USH2A: variants seen among roughly 807,000 people sequenced by gnomAD.
The protein encoded by USH2A is Usher syndrome 2A (autosomal recessive, mild).
In USH2A, 443 loss-of-function variants were observed where a neutral mutation model predicts 538.9. The observed-to-expected ratio is 0.82, with a 90% confidence interval of 0.76 to 0.89. The LOEUF (loss-of-function observed/expected upper bound fraction) is 0.89. Among genes scored for constraint, USH2A ranks in the 40% least tolerant of loss-of-function variants. USH2A has a pLI of 0.00. For synonymous variants in USH2A, 2,413 were observed against 2,273.5 expected (o/e 1.06, Z -1.75); for missense variants, 6,633 against 6,324.8 (o/e 1.05, Z -1.65).
chr1:215,890,944 A>C (rs1215096319), intron 40 of USH2A, among the ~76,000 whole-genome samples: 1 of 152,192 alleles, frequency 6.6e-6, no homozygotes, highest in Non-Finnish European at 1.5e-5. Context: ...TACACTTAAA[A>C]ATCAGAATAT....
intron 30 of USH2A, among the ~76,000 whole-genome samples, chr1:216,051,570 T>C (rs2030785953): frequency 6.6e-6 from 1 of 152,182 alleles, no homozygotes; most frequent in African/African-American, 2.4e-5. Flanking sequence ...CCCCAGAGAA[T>C]AAGACTTTTA....
intron 32 of USH2A, among the ~76,000 whole-genome samples, chr1:216,012,284 C>T (rs948188815): frequency 7.9e-5 from 12 of 152,180 alleles, no homozygotes; most frequent in African/African-American, 2.2e-4. Context: ...GAAATAACTT[C>T]TCAGTGTTCC....
At chr1:216,253,151 CTTTTTTT>C (rs55786784) in intron 11 of USH2A, among the ~76,000 whole-genome samples, 1 of 138,940 alleles carries the variant, frequency 7.2e-6, no homozygotes, top group Non-Finnish European at 1.6e-5. Flanking sequence ...GTTATTTTTT[CTTTTTTT>C]TTTTTTTGAG....
intron 9 of USH2A, among the ~76,000 whole-genome samples, chr1:216,300,398 T>C (rs1436295214): frequency 6.6e-6 from 1 of 152,176 alleles, no homozygotes; most frequent in Non-Finnish European, 1.5e-5. Context: ...GATTAGACAA[T>C]GGCTATATCA....
chr1:216,279,648 AAGTT>A (rs2036735040), intron 11 of USH2A, among the ~76,000 whole-genome samples: 1 of 152,110 alleles, frequency 6.6e-6, no homozygotes, highest in South Asian at 2.1e-4. Flanking sequence ...TGTGCATTAA[AAGTT>A]TGAGGACTAC....
intron 38 of USH2A, among the ~76,000 whole-genome samples, chr1:215,905,124 C>T (rs1051460765): frequency 2.6e-5 from 4 of 152,030 alleles, no homozygotes; most frequent in African/African-American, 4.8e-5. Context: ...ATTTATAAAA[C>T]TCTGGGAGTG....
intron 38 of USH2A, among the ~76,000 whole-genome samples, chr1:215,919,559 G>A (rs1666045672): frequency 6.6e-6 from 1 of 152,022 alleles, no homozygotes; most frequent in Non-Finnish European, 1.5e-5. Context: ...GTAGTGTGTA[G>A]TATTTGTGTA....
intron 44 of USH2A, among the ~76,000 whole-genome samples, chr1:215,855,959 G>A (rs1448605043): frequency 6.6e-6 from 1 of 152,166 alleles, no homozygotes; most frequent in African/African-American, 2.4e-5. Context: ...TCAACAAATG[G>A]TGCTGGCATA....
rs767540847 is a variant in USH2A at position 215,789,293 on chromosome 1, T to C, written c.10182+766A>G. Among the ~76,000 whole-genome samples the C allele has an allele frequency of 9.5e-4, 144 of 152,198 alleles. 1 individual carries two copies. The highest frequency in any genetic ancestry group is 3.3e-3 in the Admixed American group (50 of 15,278). Reference sequence around the variant, plus strand: ...TTTACATCCCAAAGTGTACAAAGTGTATGTGGTCTACACAAGGACTGTGTA... The same window carrying C: ...TTTACATCCCAAAGTGTACAAAGTGCATGTGGTCTACACAAGGACTGTGTA... On this transcript the variant is annotated intron_variant, in intron 51 of 71. Coordinates refer to ENST00000307340, the MANE Select transcript of USH2A (RefSeq NM_206933.4).
intron 21 of USH2A, among the ~76,000 whole-genome samples, chr1:216,132,317 C>T (rs759343663): frequency 4.6e-5 from 7 of 151,980 alleles, no homozygotes; most frequent in East Asian, 1.9e-4. Context: ...TTTTTTCATA[C>T]TGAACACTCA....
At chr1:216,393,759 C>T (rs2039153178) in intron 3 of USH2A, among the ~76,000 whole-genome samples, 2 of 152,102 alleles carry the variant, frequency 1.3e-5, no homozygotes, top group South Asian at 4.1e-4. Flanking sequence ...CATGAGGATG[C>T]TGAAAAGTGA....
chr1:215,681,356 C>CAT (rs1161376979), intron 61 of USH2A, among the ~76,000 whole-genome samples: 1 of 151,858 alleles, frequency 6.6e-6, no homozygotes, highest in Non-Finnish European at 1.5e-5. Flanking sequence ...CACACACACA[C>CAT]ACTGGCATTT....
chr1:215,662,541 C>A (rs1333704187), intron 64 of USH2A, among the ~76,000 whole-genome samples: 1 of 152,198 alleles, frequency 6.6e-6, no homozygotes, highest in Non-Finnish European at 1.5e-5. Flanking sequence ...TGTGCTCACA[C>A]TGACAGGTGG....
At chr1:216,172,376 T>C (rs1286946228) in intron 21 of USH2A, among the ~76,000 whole-genome samples, 1 of 152,086 alleles carries the variant, frequency 6.6e-6, no homozygotes, top group Non-Finnish European at 1.5e-5. Context: ...TGTATTTGAG[T>C]ACTAATTGAT....
intron 32 of USH2A, among the ~76,000 whole-genome samples, chr1:216,012,459 T>C (rs1668597614): frequency 6.6e-6 from 1 of 152,088 alleles, no homozygotes; most frequent in Non-Finnish European, 1.5e-5. Context: ...ACTGGATAAG[T>C]ACAGGCCTTT....
At chr1:215,907,686 T>C (rs1665675536) in intron 38 of USH2A, among the ~76,000 whole-genome samples, 1 of 152,080 alleles carries the variant, frequency 6.6e-6, no homozygotes, top group African/African-American at 2.4e-5. Flanking sequence ...AATGGTCATA[T>C]AGATAGCTGA....
At chr1:216,187,152 G>T (rs549750845) in intron 20 of USH2A, among the ~76,000 whole-genome samples, 1 of 151,884 alleles carries the variant, frequency 6.6e-6, no homozygotes, top group South Asian at 2.1e-4. Flanking sequence ...ATTTAATGAG[G>T]TATCTACTCA....
chr1:216,384,054 T>G (rs1426398197), intron 3 of USH2A, among the ~76,000 whole-genome samples: 1 of 151,802 alleles, frequency 6.6e-6, no homozygotes, highest in Non-Finnish European at 1.5e-5. Context: ...TACCTACAAA[T>G]TTTATTCTTT....
At chr1:215,876,428 AC>A (rs1409111129) in intron 43 of USH2A, among the ~76,000 whole-genome samples, 1 of 152,204 alleles carries the variant, frequency 6.6e-6, no homozygotes, top group African/African-American at 2.4e-5. Context: ...GAAGAACACT[AC>A]AGCTAATATT....
Sources: gnomAD v4.1 joint callset for allele counts (sites outside exome capture counted in the v4.1 genomes callset) on GRCh38, gnomAD v4.1.1 for gene constraint, MANE v1.5 for transcripts, NCBI Gene and HGNC (gene_info 2026-07-23, HGNC 2026-07-21) for gene names.